NEXMIF: variants seen among roughly 807,000 people sequenced by gnomAD.
NEXMIF encodes the protein XLMR protein related to neurite extension.
In NEXMIF, 8 loss-of-function variants were observed where a neutral mutation model predicts 62.1. The observed-to-expected ratio is 0.13, with a 90% CI of 0.08 to 0.23. NEXMIF has a LOEUF of 0.23. NEXMIF is among the 10% of genes least tolerant of loss of function. NEXMIF has a pLI of 1.00. For synonymous variants in NEXMIF, 404 were observed against 416.6 expected (o/e 0.97, Z 0.37); for missense variants, 976 against 1,113.3 (o/e 0.88, Z 1.75).
intron 1 of NEXMIF, among the ~76,000 whole-genome samples, chrX:74,912,678 C>T (rs1380812711): frequency 9.0e-6 from 1 of 111,507 alleles, no homozygotes; most frequent in Non-Finnish European, 1.9e-5. Flanking sequence ...TGCCAGTTTT[C>T]CCAAACCCCA....
At chrX:74,775,864 T>A (rs1284834887) in intron 1 of NEXMIF, among the ~76,000 whole-genome samples, 1 of 111,402 alleles carries the variant, frequency 9.0e-6, no homozygotes, top group African/African-American at 3.3e-5. Context: ...CATTGCTAAA[T>A]TACTGTGAAG....
chrX:74,796,126 T>TATGTATAATATATATATTATATATATAC (rs2080306177), intron 1 of NEXMIF, among the ~76,000 whole-genome samples: 1 of 75,370 alleles, frequency 1.3e-5, no homozygotes, highest in African/African-American at 5.2e-5. Context: ...TATATATATT[T>TATGTATAATATATATATTATATATATAC]ATATATAATA....
intron 1 of NEXMIF, among the ~76,000 whole-genome samples, chrX:74,753,463 G>GT (rs1386665222): frequency 2.7e-5 from 3 of 112,018 alleles, no homozygotes; most frequent in Non-Finnish European, 5.6e-5. Flanking sequence ...CAAGTGGAAT[G>GT]TAAGTTATCA....
At chrX:74,876,131 G>T (rs1306392022) in intron 1 of NEXMIF, among the ~76,000 whole-genome samples, 1 of 110,722 alleles carries the variant, frequency 9.0e-6, no homozygotes, top group African/African-American at 3.3e-5. Flanking sequence ...GGCATTTAGT[G>T]CTATAAATTT....
chrX:74,820,618 G>A (rs905822056), intron 1 of NEXMIF, among the ~76,000 whole-genome samples: 3 of 111,460 alleles, frequency 2.7e-5, no homozygotes, highest in Non-Finnish European at 3.8e-5. Context: ...GTCCATCGAC[G>A]GTGGACTGGA....
intron 1 of NEXMIF, among the ~76,000 whole-genome samples, chrX:74,920,575 T>C (rs1451214835): frequency 9.0e-6 from 1 of 111,670 alleles, no homozygotes; most frequent in Non-Finnish European, 1.9e-5. Flanking sequence ...ATTTTGTAGG[T>C]TGCCTGTTCA....
chrX:74,796,519 T>C (rs1462380712), intron 1 of NEXMIF, among the ~76,000 whole-genome samples: 3 of 106,952 alleles, frequency 2.8e-5, no homozygotes, highest in Non-Finnish European at 5.8e-5. Flanking sequence ...TGGTTCATTC[T>C]AGGGCTAGGT....
rs769803056 is a variant in NEXMIF at position 74,834,496 on chromosome X, G to T, written c.-47-88799C>A. Among the ~76,000 whole-genome samples, 48 of 111,878 alleles carry T rather than the reference G, an allele frequency of 4.3e-4. No homozygotes were observed. The East Asian group carries it at 0.012, about 29-fold the overall frequency. ...GCATTTGTTGTAGGACAGGTCTGGT[G>T]TTGAAATGCCCAGCTTTTGTTTCTC... On this transcript the variant is annotated intron_variant, in intron 1 of 3. Coordinates refer to ENST00000055682, the MANE Select transcript of NEXMIF (RefSeq NM_001008537.3).
chrX:74,744,254 G>C lies in NEXMIF; in HGVS notation c.303C>G (p.Leu101=), dbSNP rs373296297. 3 of 1,208,984 alleles carry C rather than the reference G, an allele frequency of 2.5e-6. No individual in the cohort carries two copies. In the African/African-American group the frequency reaches 5.3e-5, roughly 21 times the overall value. The change falls in exon 3 of 4, where the codon CTC becomes CTG. Residue 101 remains leucine, a synonymous_variant. Transcript: ENST00000055682. ...ANSASVNAIS[L]TSGIAKGLNT... ...TCAGGCCTTTTGCAATGCCAGATGTGAGGGAGATGGCATTCACAGAAGCAC... is the reference window on the plus strand; with the variant it reads ...TCAGGCCTTTTGCAATGCCAGATGTCAGGGAGATGGCATTCACAGAAGCAC...
intron 1 of NEXMIF, among the ~76,000 whole-genome samples, chrX:74,788,701 A>G (rs185884434): frequency 2.0e-3 from 224 of 111,614 alleles, no homozygotes; most frequent in Non-Finnish European, 3.1e-3. Context: ...CCAACATGAA[A>G]CCCAAGCCTA....
In NEXMIF at chrX:74,819,664, G is replaced by A. The variant is rs948772792; in HGVS notation, c.-47-73967C>T. Among the ~76,000 whole-genome samples the A allele has an allele frequency of 4.5e-5, 5 of 111,886 alleles. No homozygotes were observed. The Admixed American group carries it at 4.7e-4, about 11-fold the overall frequency. ...ACCATCCCACGCCAGTTAGAATGGC[G>A]ATCATTAAAAAGTCAGGAAAGAACA... On this transcript the variant is annotated intron_variant, in intron 1 of 3. Transcript: ENST00000055682.
chrX:74,814,924 C>A (rs1434601023), intron 1 of NEXMIF, among the ~76,000 whole-genome samples: 3 of 111,369 alleles, frequency 2.7e-5, no homozygotes, highest in African/African-American at 9.8e-5. Flanking sequence ...CCAGACAGAC[C>A]CCCCAGAGGG....
At chrX:74,785,380 T>C (rs752406982) in intron 1 of NEXMIF, among the ~76,000 whole-genome samples, 1 of 111,452 alleles carries the variant, frequency 9.0e-6, no homozygotes, top group Non-Finnish European at 1.9e-5. Flanking sequence ...AATCTTTTTT[T>C]GTGGTTAAGG....
At chrX:74,773,175 T>A (rs2080216091) in intron 1 of NEXMIF, among the ~76,000 whole-genome samples, 1 of 111,871 alleles carries the variant, frequency 8.9e-6, no homozygotes. Context: ...CAAGGATCCA[T>A]CCACAAGCTC....
At chrX:74,805,068 C>T (rs2080340947) in intron 1 of NEXMIF, among the ~76,000 whole-genome samples, 1 of 112,400 alleles carries the variant, frequency 8.9e-6, no homozygotes, top group South Asian at 3.7e-4. Context: ...CTGTGCTCTC[C>T]CTCTTTCAAA....
intron 1 of NEXMIF, among the ~76,000 whole-genome samples, chrX:74,789,303 C>G (rs2080270684): frequency 9.4e-6 from 1 of 106,331 alleles, no homozygotes. Flanking sequence ...AGGACATGAA[C>G]TCATCATTTT....
chrX:74,922,939 G>C (rs778503153), intron 1 of NEXMIF, among the ~76,000 whole-genome samples: 1 of 111,571 alleles, frequency 9.0e-6, no homozygotes, highest in South Asian at 3.8e-4. Context: ...AAAGTAAATA[G>C]AGAAATTTCA....
intron 1 of NEXMIF, among the ~76,000 whole-genome samples, chrX:74,839,946 G>T (rs1387899901): frequency 1.8e-5 from 2 of 111,756 alleles, no homozygotes; most frequent in Non-Finnish European, 3.8e-5. Context: ...GGGATCACTG[G>T]ATTGAATGGC....
chrX:74,844,929 A>AT (rs2080486951), intron 1 of NEXMIF, among the ~76,000 whole-genome samples: 1 of 112,399 alleles, frequency 8.9e-6, no homozygotes, highest in African/African-American at 3.2e-5. Context: ...CTAGACATGG[A>AT]TTTTTTAACT....
Sources: allele counts gnomAD v4.1 joint callset (sites outside exome capture counted in the v4.1 genomes callset), GRCh38; gene constraint gnomAD v4.1.1; transcripts MANE v1.5; gene names NCBI Gene and HGNC (gene_info 2026-07-23, HGNC 2026-07-21).